The following TOP1 variants were observed in gnomAD, a reference collection of about 807,000 sequenced individuals.
The protein encoded by TOP1 is DNA topoisomerase 1.
TOP1 carries 10 observed loss-of-function variants against 111.1 expected under a neutral mutation model. The ratio of observed to expected loss-of-function variants is 0.09; its 90% CI spans 0.06 to 0.15. The LOEUF is 0.15. Among genes scored for constraint, TOP1 ranks in the 10% least tolerant of loss-of-function variants. The probability of loss-of-function intolerance (pLI) is 1.00; values close to 1 mark genes in which losing one functional copy is unlikely to be tolerated. For missense variants in TOP1, 474 were observed against 926.7 expected, an observed-to-expected ratio of 0.51 and a Z score of 6.34; for synonymous variants, 271 against 302.9, an observed-to-expected ratio of 0.89 and a Z score of 1.10.
chr20:41,073,110 ATTCCTT>A, intron 3 of TOP1: 1 of 985,372 alleles, frequency 1.0e-6, no homozygotes, highest in Non-Finnish European at 1.2e-6. Context: ...TCATTTGTTG[ATTCCTT>A]TTCCCTGATC....
chr20:41,097,953 G>A lies in TOP1; in HGVS notation c.853-262G>A, dbSNP rs1213989380. Among the ~76,000 whole-genome samples, 3 of 152,026 alleles carry A rather than the reference G, an allele frequency of 2.0e-5. No individual in the cohort carries two copies. Among genetic ancestry groups the A allele is most frequent in the East Asian group, 1.9e-4 (1 of 5,202 alleles). ...ATAATGCCTGGGGGCTGTGTGCCAC[G>A]GAGTCTAAGAAACCACATAAGAATT... On this transcript the variant is annotated intron_variant, in intron 10 of 20. Coordinates refer to ENST00000361337, the MANE Select transcript of TOP1 (RefSeq NM_003286.4). This position sits in a 1 kb window ranked among gnomAD's most constrained non-coding sequence, Gnocchi z 4.2.
chr20:41,107,847 T>G (rs1195374588), intron 13 of TOP1, among the ~76,000 whole-genome samples: 1 of 152,228 alleles, frequency 6.6e-6, no homozygotes, highest in Non-Finnish European at 1.5e-5. Context: ...ACTTTTTGTC[T>G]TGGAGGGAGT....
At chr20:41,117,219 G>A (rs1406982088) in intron 17 of TOP1, among the ~76,000 whole-genome samples, 2 of 151,692 alleles carry the variant, frequency 1.3e-5, no homozygotes, top group African/African-American at 4.8e-5. Context: ...CAGGTGTGGC[G>A]GTGTGCACCT....
chr20:41,073,642 G>A (rs571550407), intron 3 of TOP1, among the ~76,000 whole-genome samples: 1 of 152,264 alleles, frequency 6.6e-6, no homozygotes, highest in South Asian at 2.1e-4. Flanking sequence ...GAAATACTAA[G>A]TTTAAATCCC....
chr20:41,086,914 T>G (rs772278644), intron 8 of TOP1, among the ~76,000 whole-genome samples: 2 of 152,208 alleles, frequency 1.3e-5, no homozygotes, highest in Non-Finnish European at 2.9e-5. Context: ...TCTTAACTGA[T>G]AGCTAGAGGC....
Position 41,082,762 on chromosome 20 carries a change from C to T in TOP1, c.507+1522C>T, listed in dbSNP as rs776850993. Among the ~76,000 whole-genome samples the T allele has an allele frequency of 4.0e-5, 6 of 151,636 alleles. No homozygotes were observed. Among genetic ancestry groups the T allele is most frequent in the Non-Finnish European group, 2.9e-5 (2 of 67,986 alleles). Reference sequence around the variant, plus strand: ...AATGTTAAGTAGTGATTATGGTAGCCAATCACTCCACTTGCATATACCAAA... The same window carrying T: ...AATGTTAAGTAGTGATTATGGTAGCTAATCACTCCACTTGCATATACCAAA... On this transcript the variant is annotated intron_variant, in intron 7 of 20. Transcript: ENST00000361337. This position sits in a 1 kb window ranked among gnomAD's most constrained non-coding sequence, Gnocchi z 4.1.
rs745878136 is a variant in TOP1, at chr20:41,110,117, T to A, written c.1309-2665T>A. On this transcript the variant is annotated intron_variant, in intron 13 of 20. Coordinates refer to ENST00000361337, the MANE Select transcript of TOP1 (RefSeq NM_003286.4). This position sits in a 1 kb window ranked among gnomAD's most constrained non-coding sequence, Gnocchi z 4.2. ...GCCTGGCCAACATGGCGAAACACCGTCTCTACAAAAAAATACAAAAATTAG... is the reference window on the plus strand; with the variant it reads ...GCCTGGCCAACATGGCGAAACACCGACTCTACAAAAAAATACAAAAATTAG... Among the ~76,000 whole-genome samples, 1 of 152,042 alleles carries A rather than the reference T, an allele frequency of 6.6e-6. No individual in the cohort carries two copies. Among genetic ancestry groups the A allele is most frequent in the African/African-American group, 2.4e-5 (1 of 41,406 alleles).
Position 41,080,307 on chromosome 20 carries a change from T to C in TOP1, c.431+127T>C. 1.7e-6 allele frequency: 1 copy of C among 587,266 alleles called. No individual in the cohort carries two copies. The highest frequency in any genetic ancestry group is 3.0e-6 in the Non-Finnish European group (1 of 336,586). The allele number at this position is 587,266 out of a possible 1,614,324, so 36.4% of individuals were successfully genotyped here. On this transcript the variant is annotated intron_variant, in intron 6 of 20. Coordinates refer to ENST00000361337, the MANE Select transcript of TOP1 (RefSeq NM_003286.4). This position sits in a 1 kb window ranked among gnomAD's most constrained non-coding sequence, Gnocchi z 5.0. Reference sequence around the variant, plus strand: ...TTGGCTTTTACTCATTTGGAATTTGTGATTAATGGACTGATTTCTCTGAAC... The same window carrying C: ...TTGGCTTTTACTCATTTGGAATTTGCGATTAATGGACTGATTTCTCTGAAC...
At chr20:41,120,584 T>A (rs1257408814) in intron 18 of TOP1, among the ~76,000 whole-genome samples, 1 of 152,154 alleles carries the variant, frequency 6.6e-6, no homozygotes, top group African/African-American at 2.4e-5. Flanking sequence ...TCACCAGGGG[T>A]GCTTCAAAGA....
At chr20:41,086,799 G>A (rs757055549) in intron 8 of TOP1, among the ~76,000 whole-genome samples, 22 of 152,130 alleles carry the variant, frequency 1.4e-4, no homozygotes, top group Non-Finnish European at 2.2e-4. Flanking sequence ...AGCTTCTAAC[G>A]CATGCATTTC....
At position 41,061,276 on chromosome 20, in the gene TOP1, A is replaced by T; in HGVS notation, c.59-118A>T. ...GCTTTTTTTTTCAGTGGCATGTGCTATTATGCCTACCATGCCATTTGAATC... is the reference window on the plus strand; with the variant it reads ...GCTTTTTTTTTCAGTGGCATGTGCTTTTATGCCTACCATGCCATTTGAATC... On this transcript the variant is annotated intron_variant, in intron 2 of 20. Transcript: ENST00000361337. This position sits in a 1 kb window ranked among gnomAD's most constrained non-coding sequence, Gnocchi z 4.6. The T allele has an allele frequency of 1.1e-6, 1 of 932,646 alleles. No individual in the cohort carries two copies. Among genetic ancestry groups the T allele is most frequent in the Non-Finnish European group, 1.6e-6 (1 of 616,774 alleles). The allele number at this position is 932,646 out of a possible 1,614,324, so 57.8% of individuals were successfully genotyped here.
chr20:41,113,756 G>A (rs1010330586), intron 14 of TOP1, among the ~76,000 whole-genome samples: 2 of 151,120 alleles, frequency 1.3e-5, no homozygotes, highest in South Asian at 2.1e-4. Flanking sequence ...GGTGGCGGGC[G>A]CCTGTAGTCC....
At chr20:41,089,150 A>C (rs533179527) in intron 8 of TOP1, among the ~76,000 whole-genome samples, 1 of 149,744 alleles carries the variant, frequency 6.7e-6, no homozygotes, top group East Asian at 2.0e-4. Flanking sequence ...TCAGCCTCCC[A>C]AGTAGCTGGG....
chr20:41,032,471 C>T lies in TOP1; in HGVS notation c.58+3016C>T, dbSNP rs1290092532. Among the ~76,000 whole-genome samples the T allele has an allele frequency of 6.6e-6, 1 of 152,194 alleles. No homozygotes were observed. Among genetic ancestry groups the T allele is most frequent in the African/African-American group, 2.4e-5 (1 of 41,442 alleles). ...CTGTAGTGGGGCTGAGTCATTATTA[C>T]AGTACTGTACAGGCTGCGTAGCTAT... On this transcript the variant is annotated intron_variant, in intron 2 of 20. Coordinates refer to ENST00000361337, the MANE Select transcript of TOP1 (RefSeq NM_003286.4). The surrounding 1 kb of genome is among the most constrained non-coding windows in gnomAD (Gnocchi z 4.3).
In TOP1 at chr20:41,097,166, A is replaced by C. The variant is rs2033993110; in HGVS notation, c.731-54A>C. ...GAGAATTCGCTAGCCCTGGGTATTT[A>C]TGCTTAGAACATGAATACTATACCT... On this transcript the variant is annotated intron_variant, in intron 9 of 20. Transcript: ENST00000361337. This position sits in a 1 kb window ranked among gnomAD's most constrained non-coding sequence, Gnocchi z 4.2. 3 of 1,590,952 alleles carry C rather than the reference A, an allele frequency of 1.9e-6. No individual in the cohort carries two copies. In the African/African-American group the frequency reaches 4.1e-5, roughly 22 times the overall value.
At chr20:41,077,673 T>C (rs1232989097) in intron 5 of TOP1, 36 bp downstream of exon 5, 2 of 1,595,742 alleles carry the variant, frequency 1.3e-6, no homozygotes, top group Admixed American at 3.3e-5. Context: ...TCCCTTTCTC[T>C]GGGTGGACAG....
At chr20:41,104,073 T>C (rs1372220949) in intron 13 of TOP1, among the ~76,000 whole-genome samples, 1 of 152,200 alleles carries the variant, frequency 6.6e-6, no homozygotes, top group Non-Finnish European at 1.5e-5. Flanking sequence ...TCAGTCTCTT[T>C]AACATGGCAT....
Position 41,082,777 on chromosome 20 carries a change from C to G in TOP1, c.507+1537C>G, listed in dbSNP as rs1382896296. Among the ~76,000 whole-genome samples the G allele has an allele frequency of 2.0e-5, 3 of 151,264 alleles. No homozygotes were observed. Among genetic ancestry groups the G allele is most frequent in the Non-Finnish European group, 1.5e-5 (1 of 67,962 alleles). ...TTATGGTAGCCAATCACTCCACTTG[C>G]ATATACCAAATCAGTACAGACTAGT... is the stretch of plus-strand genomic sequence containing the variant. On this transcript the variant is annotated intron_variant, in intron 7 of 20. Transcript: ENST00000361337. This position sits in a 1 kb window ranked among gnomAD's most constrained non-coding sequence, Gnocchi z 4.1.
At chr20:41,104,731 C>T (rs1477463421) in intron 13 of TOP1, among the ~76,000 whole-genome samples, 1 of 152,100 alleles carries the variant, frequency 6.6e-6, no homozygotes, top group East Asian at 1.9e-4. Flanking sequence ...CATTAAAGGC[C>T]TGGAAAAGTG....
Sources: gnomAD v4.1 joint callset for allele counts (sites outside exome capture counted in the v4.1 genomes callset) on GRCh38, gnomAD v4.1.1 for gene constraint, Gnocchi (gnomAD v3.1) non-coding constraint, MANE v1.5 for transcripts, NCBI Gene and HGNC (gene_info 2026-07-23, HGNC 2026-07-21) for gene names.